The following CRYBA1 variants were observed in gnomAD, a reference collection of about 807,000 sequenced individuals.
CRYBA1 encodes crystallin beta A1.
A neutral mutation model predicts 36.2 loss-of-function variants in CRYBA1; 25 were observed. The observed-to-expected ratio is 0.69, with a 90% CI of 0.50 to 0.97. The LOEUF is 0.97. CRYBA1 is among the 50% of genes least tolerant of loss of function. The pLI is 0.00. For missense variants in CRYBA1, 224 were observed against 276.3 expected, an observed-to-expected ratio of 0.81 and a Z score of 1.34; for synonymous variants, 111 against 90.0, an observed-to-expected ratio of 1.23 and a Z score of -1.32.
intron 3 of CRYBA1, among the ~76,000 whole-genome samples, chr17:29,251,135 G>GA (rs1362911588): frequency 6.6e-6 from 1 of 152,142 alleles, no homozygotes; most frequent in Non-Finnish European, 1.5e-5. Flanking sequence ...GTCACAGGAA[G>GA]AAAAAAGACT....
At chr17:29,253,145 A>G (rs1598425725) in intron 4 of CRYBA1, among the ~76,000 whole-genome samples, 1 of 152,116 alleles carries the variant, frequency 6.6e-6, no homozygotes, top group East Asian at 1.9e-4. Context: ...TTGCTCCCCT[A>G]CCACTTTCTA....
intron 1 of CRYBA1, among the ~76,000 whole-genome samples, chr17:29,248,401 G>A (rs974561392): frequency 2.8e-5 from 4 of 141,416 alleles, no homozygotes; most frequent in Non-Finnish European, 6.1e-5. Context: ...GTCTCACTCT[G>A]TTGCCCAAGC....
intron 5 of CRYBA1, 31 bp from the exon 6 acceptor site, chr17:29,254,171 T>G: frequency 2.5e-6 from 4 of 1,612,950 alleles, no homozygotes; most frequent in Non-Finnish European, 3.4e-6. Flanking sequence ...CTAATTAGTT[T>G]TAATAATGAA....
rs781579655 is a variant in CRYBA1 at position 29,249,125 on chromosome 17, T to C, written c.32-17T>C. ...CTCCCAAGAGGCCACATCATTCGTG[T>C]GTGCTCTGTCTTCCAGAAACCCTTC... On this transcript the variant is annotated splice_polypyrimidine_tract_variant and intron_variant, in intron 1 of 5. Coordinates refer to ENST00000225387, the MANE Select transcript of CRYBA1 (RefSeq NM_005208.5). The C allele has an allele frequency of 3.8e-6, 6 of 1,587,042 alleles. No individual in the cohort carries two copies. In the South Asian group the frequency reaches 6.6e-5, roughly 18 times the overall value.
intron 4 of CRYBA1, 31 bp downstream of exon 4, chr17:29,252,236 T>C (rs775435463): frequency 1.2e-6 from 2 of 1,613,344 alleles, no homozygotes; most frequent in East Asian, 2.2e-5. Context: ...CTTCCGTGCA[T>C]ATGAGGGATG....
intron 1 of CRYBA1, among the ~76,000 whole-genome samples, chr17:29,247,590 T>C (rs952488930): frequency 6.6e-6 from 1 of 152,210 alleles, no homozygotes; most frequent in African/African-American, 2.4e-5. Context: ...TCTTTTTCAA[T>C]GTCCCCCTGA....
chr17:29,249,081 A>G, intron 1 of CRYBA1, 61 bp from the exon 2 acceptor site: 4 of 1,011,528 alleles, frequency 4.0e-6, no homozygotes, highest in African/African-American at 1.6e-5. Context: ...CTTTCAAGGC[A>G]TTCCCTCACC....
At chr17:29,254,158 T>C (rs2068954186) in intron 5 of CRYBA1, 44 bp from the exon 6 acceptor site, 1 of 1,608,170 alleles carries the variant, frequency 6.2e-7, no homozygotes, top group Non-Finnish European at 8.5e-7. Flanking sequence ...ATTAACCAGA[T>C]TCCTAATTAG....
In CRYBA1 at chr17:29,254,295, G is replaced by T; in HGVS notation, c.594G>T (p.Trp198Cys). 6.2e-7 allele frequency: 1 copy of T among 1,613,956 alleles called. No individual in the cohort carries two copies. Among genetic ancestry groups the T allele is most frequent in the South Asian group, 1.1e-5 (1 of 91,074 alleles). ...HGGDYKHWRE[W>C]GSHAQTSQIQ... ...GAGACTATAAACATTGGAGAGAGTG[G>T]GGCTCTCATGCCCAGACTTCGCAGA... Residue 198 changes from tryptophan to cysteine, a missense_variant, in exon 6 of 6, where the codon TGG becomes TGT. Physicochemically the swap from Trp to Cys is radical, Grantham distance 215 (BLOSUM62 -2). Coordinates refer to ENST00000225387, the MANE Select transcript of CRYBA1 (RefSeq NM_005208.5).
At chr17:29,248,593 G>A (rs988934726) in intron 1 of CRYBA1, among the ~76,000 whole-genome samples, 5 of 148,836 alleles carry the variant, frequency 3.4e-5, no homozygotes, top group Admixed American at 1.3e-4. Context: ...TCAAACTCCC[G>A]ACCTCAGGTG....
At chr17:29,249,678 G>A (rs2068923483) in intron 2 of CRYBA1, among the ~76,000 whole-genome samples, 1 of 152,184 alleles carries the variant, frequency 6.6e-6, no homozygotes, top group Admixed American at 6.5e-5. Context: ...CAACTCTGAG[G>A]CCAGCTCACA....
intron 3 of CRYBA1, among the ~76,000 whole-genome samples, chr17:29,250,707 G>C (rs1316935507): frequency 1.3e-5 from 2 of 151,784 alleles, no homozygotes; most frequent in East Asian, 3.9e-4. Flanking sequence ...CTCTCCTCCT[G>C]CATATCCCAG....
intron 3 of CRYBA1, among the ~76,000 whole-genome samples, chr17:29,250,546 G>C (rs1226973655): frequency 6.6e-6 from 1 of 152,176 alleles, no homozygotes; most frequent in Non-Finnish European, 1.5e-5. Flanking sequence ...ACAATGGGGT[G>C]GGACAGTGGC....
At chr17:29,251,545 T>C (rs543533653) in intron 3 of CRYBA1, among the ~76,000 whole-genome samples, 1 of 151,988 alleles carries the variant, frequency 6.6e-6, no homozygotes, top group Non-Finnish European at 1.5e-5. Context: ...CAGGCTGGAG[T>C]GCAGTGGCAC....
intron 3 of CRYBA1, 23 bp from the exon 4 acceptor site, chr17:29,252,041 C>T (rs201195784): frequency 4.0e-5 from 64 of 1,614,062 alleles, no homozygotes; most frequent in South Asian, 1.5e-4. Context: ...ACACCATGAA[C>T]AAACACTACA....
chr17:29,247,395 C>G (rs949363153), intron 1 of CRYBA1, among the ~76,000 whole-genome samples: 1 of 152,176 alleles, frequency 6.6e-6, no homozygotes, highest in Non-Finnish European at 1.5e-5. Context: ...GTCTACCTAA[C>G]CTCTTTGAGC....
intron 3 of CRYBA1, among the ~76,000 whole-genome samples, chr17:29,251,304 G>A (rs1198949245): frequency 2.0e-5 from 3 of 152,020 alleles, no homozygotes; most frequent in Admixed American, 6.6e-5. Flanking sequence ...ATACCATAAC[G>A]ATAGCTGATG....
chr17:29,249,032 CA>C, intron 1 of CRYBA1, 109 bp from the exon 2 acceptor site: 1 of 786,922 alleles, frequency 1.3e-6, no homozygotes, highest in Non-Finnish European at 2.3e-6. Flanking sequence ...GCCAGAATTT[CA>C]ACCAAAGTCT....
rs1429252950 is a variant in CRYBA1, at chr17:29,254,379, C to T, written c.*30C>T. On this transcript the variant is annotated 3_prime_UTR_variant, in exon 6 of 6. Coordinates refer to ENST00000225387, the MANE Select transcript of CRYBA1 (RefSeq NM_005208.5). The stretch of plus-strand genomic sequence containing the variant: ...TTAAAAGCTCCAAGTACGATAATTC[C>T]TCAAGCATGAGACCTTGCTAAGCAC... 6.2e-7 allele frequency: 1 copy of T among 1,612,726 alleles called. No homozygotes were observed. The highest frequency in any genetic ancestry group is 1.3e-5 in the African/African-American group (1 of 74,864).
Sources: gnomAD v4.1 joint callset for allele counts (sites outside exome capture counted in the v4.1 genomes callset) on GRCh38, gnomAD v4.1.1 for gene constraint, MANE v1.5 for transcripts, NCBI Gene and HGNC (gene_info 2026-07-23, HGNC 2026-07-21) for gene names.